The following COL28A1 variants were observed in gnomAD, a reference collection of about 807,000 sequenced individuals.
COL28A1 encodes collagen type XXVIII alpha 1 chain, also known as collagen alpha-1(XXVIII) chain.
In COL28A1, 161 loss-of-function variants were observed where a neutral mutation model predicts 150.2. The observed-to-expected ratio is 1.07, with a 90% CI of 0.94 to 1.22. The LOEUF (loss-of-function observed/expected upper bound fraction) is 1.22. COL28A1 is among the 50% of genes most tolerant of loss of function. The probability of loss-of-function intolerance (pLI) is 0.00; values close to 1 mark genes in which losing one functional copy is unlikely to be tolerated. For synonymous variants in COL28A1, 552 were observed against 469.7 expected (o/e 1.18, Z -2.26); for missense variants, 1,617 against 1,388.3 (o/e 1.16, Z -2.62).
Position 7,417,886 on chromosome 7 carries a change from G to T in COL28A1, c.2109C>A (p.Pro703=), listed in dbSNP as rs201450048. The T allele has an allele frequency of 5.0e-6, 8 of 1,613,278 alleles. No individual in the cohort carries two copies. The Admixed American group carries it at 5.0e-5, about 10-fold the overall frequency. ...GQKGLPGPPG[P]PGYGSQGIKG... Reference sequence around the variant, plus strand: ...TAATTCCCTGTGATCCATAGCCAGGGGGGCCAGGAGGGCCAGGCAAGCCTT... The same window carrying T: ...TAATTCCCTGTGATCCATAGCCAGGTGGGCCAGGAGGGCCAGGCAAGCCTT... Residue 703 remains proline, a synonymous_variant, in exon 27 of 35, where the codon CCC becomes CCA. Transcript: ENST00000399429.
Position 7,443,700 on chromosome 7 carries a change from A to G in COL28A1, c.1582-47T>C, listed in dbSNP as rs752444778. On this transcript the variant is annotated intron_variant, in intron 19 of 34. Transcript: ENST00000399429. ...TGTTAGCTGACCCTCCAGTAGACAG[A>G]CTGTACGTATCATCCCACCTTGTCT... 3 of 1,610,952 alleles carry G rather than the reference A, an allele frequency of 1.9e-6. No homozygotes were observed. The South Asian group carries it at 3.3e-5, about 18-fold the overall frequency.
At chr7:7,360,852 T>C (rs1475563572) in intron 33 of COL28A1, among the ~76,000 whole-genome samples, 3 of 152,220 alleles carry the variant, frequency 2.0e-5, no homozygotes, top group Non-Finnish European at 2.9e-5. Flanking sequence ...ATGTGAAAGA[T>C]GCAAAGTTGA....
intron 8 of COL28A1, among the ~76,000 whole-genome samples, chr7:7,513,579 A>G (rs1781265511): frequency 1.3e-5 from 2 of 152,242 alleles, no homozygotes; most frequent in South Asian, 4.1e-4. Context: ...CAAGTTGAAC[A>G]TTTATTTCTG....
At chr7:7,457,257 G>C (rs754408571) in intron 15 of COL28A1, among the ~76,000 whole-genome samples, 3 of 152,194 alleles carry the variant, frequency 2.0e-5, no homozygotes, top group Non-Finnish European at 4.4e-5. Flanking sequence ...GCTGTATGGA[G>C]AACAGACTGA....
intron 33 of COL28A1, among the ~76,000 whole-genome samples, chr7:7,361,489 C>A (rs895636649): frequency 2.6e-5 from 4 of 152,166 alleles, no homozygotes; most frequent in African/African-American, 7.2e-5. Flanking sequence ...TTCTCCACAT[C>A]CTCTCCAGCA....
intron 27 of COL28A1, among the ~76,000 whole-genome samples, chr7:7,401,181 C>T (rs915661128): frequency 1.3e-5 from 2 of 152,022 alleles, no homozygotes; most frequent in African/African-American, 4.8e-5. Context: ...CTGTCTACCC[C>T]ACTGGCCACT....
intron 27 of COL28A1, among the ~76,000 whole-genome samples, chr7:7,408,060 T>A (rs989990423): frequency 1.3e-5 from 2 of 152,160 alleles, no homozygotes; most frequent in Non-Finnish European, 2.9e-5. Context: ...TAATTCCATT[T>A]CTGTGTCTCT....
rs372951921 is a variant in COL28A1, at chr7:7,375,539, A to G, written c.2323-42T>C. The G allele has an allele frequency of 1.7e-5, 23 of 1,315,856 alleles. No homozygotes were observed. In the African/African-American group the frequency reaches 2.0e-4, roughly 12 times the overall value. 81.5% of individuals were successfully genotyped at this position (1,315,856 alleles called of 1,614,324 possible). On this transcript the variant is annotated intron_variant, in intron 30 of 34. Transcript: ENST00000399429. Reference sequence around the variant, plus strand: ...AAAATGTATTACTATATGTATGACTATAATATTTTTCCTAGAGCCATAAAA... The same window carrying G: ...AAAATGTATTACTATATGTATGACTGTAATATTTTTCCTAGAGCCATAAAA...
chr7:7,420,013 A>C, intron 25 of COL28A1, 60 bp from the exon 26 acceptor site: 1 of 1,135,002 alleles, frequency 8.8e-7, no homozygotes, highest in East Asian at 2.7e-5. Flanking sequence ...GTTTTTTTCA[A>C]TATATATATT....
Position 7,532,864 on chromosome 7 carries a change from T to A in COL28A1, c.12A>T (p.Arg4Ser). ...AAAGCAGGAGATAGAAGACAAAATA[T>A]CTGTTCCACATTATGGTAGATGGTG... MWNRYFVFYLLLLS... is the reference protein window; with the variant it reads MWNSYFVFYLLLLS... The change falls in exon 2 of 35, where the codon AGA (arginine) becomes AGT (serine). Residue 4 changes from arginine to serine, a missense_variant. By Grantham distance (110) the Arg-to-Ser change is moderately radical. Coordinates refer to ENST00000399429, the MANE Select transcript of COL28A1 (RefSeq NM_001037763.3). 1 of 1,610,466 alleles carries A rather than the reference T, an allele frequency of 6.2e-7. No individual in the cohort carries two copies. The highest frequency in any genetic ancestry group is 2.2e-5 in the East Asian group (1 of 44,772).
chr7:7,520,043 A>G lies in COL28A1; in HGVS notation c.813+19T>C, dbSNP rs754574530. ...GAAGGAGATACGCTGGTTTAAAGAA[A>G]AGCTGTTTATTCATTTACCGGGTTT... On this transcript the variant is annotated intron_variant, in intron 6 of 34. Coordinates refer to ENST00000399429, the MANE Select transcript of COL28A1 (RefSeq NM_001037763.3). The G allele has an allele frequency of 2.5e-6, 3 of 1,178,694 alleles. No homozygotes were observed. The highest frequency in any genetic ancestry group is 2.5e-6 in the Non-Finnish European group (2 of 787,414). 73.0% of individuals were successfully genotyped at this position (1,178,694 alleles called of 1,614,324 possible). A position where few individuals can be genotyped will look rare whatever the true frequency, so the allele number is the denominator to read the frequency against.
At chr7:7,398,325 T>C (rs17456623) in intron 27 of COL28A1, among the ~76,000 whole-genome samples, 4,498 of 152,342 alleles carry the variant, frequency 0.03, 106 homozygotes, top group Non-Finnish European at 0.047. Context: ...GCAATCATTT[T>C]CTTAAACTTT....
rs905284767 is a variant in COL28A1 at position 7,533,695 on chromosome 7, G to A, written c.-37-783C>T. Among the ~76,000 whole-genome samples, 5 of 152,034 alleles carry A rather than the reference G, an allele frequency of 3.3e-5. No homozygotes were observed. In the South Asian group the frequency reaches 6.2e-4, roughly 19 times the overall value. On this transcript the variant is annotated intron_variant, in intron 1 of 34. Transcript: ENST00000399429. ...CTATTTTTCTGGGTGGATTAACAAC[G>A]AAAAATCTAATTCTGTATTAAAATC...
intron 12 of COL28A1, among the ~76,000 whole-genome samples, chr7:7,489,975 A>G (rs895424148): frequency 9.8e-5 from 15 of 152,358 alleles, no homozygotes; most frequent in Admixed American, 2.6e-4. Flanking sequence ...GGGATATTCA[A>G]TTACATTCAA....
chr7:7,508,556 A>C (rs1780951606), intron 9 of COL28A1, among the ~76,000 whole-genome samples: 1 of 152,258 alleles, frequency 6.6e-6, no homozygotes, highest in Non-Finnish European at 1.5e-5. Context: ...CCACTACCCG[A>C]GTATGAGAGA....
intron 27 of COL28A1, among the ~76,000 whole-genome samples, chr7:7,396,347 C>T (rs1782835536): frequency 6.6e-6 from 1 of 152,116 alleles, no homozygotes; most frequent in African/African-American, 2.4e-5. Context: ...CATGATAAAA[C>T]CAAGGCTTCA....
At chr7:7,536,657 G>A (rs79625534), upstream of COL28A1, among the ~76,000 whole-genome samples, 1,048 of 152,174 alleles carry the variant, frequency 6.9e-3, 11 homozygotes, top group East Asian at 0.013. Flanking sequence ...GCTTCTCCAC[G>A]GACTTCCTCT....
chr7:7,408,879 G>C (rs984147277), intron 27 of COL28A1, among the ~76,000 whole-genome samples: 2 of 152,052 alleles, frequency 1.3e-5, no homozygotes, highest in African/African-American at 4.8e-5. Context: ...GTGACACTTT[G>C]TTTTTAAGAA....
At chr7:7,352,673 G>A (rs1054297595), downstream of COL28A1, among the ~76,000 whole-genome samples, 1 of 152,150 alleles carries the variant, frequency 6.6e-6, no homozygotes, top group Non-Finnish European at 1.5e-5. Context: ...TCCTCCAGAA[G>A]AAACACAGCC....
Sources: gnomAD v4.1 joint callset for allele counts (sites outside exome capture counted in the v4.1 genomes callset) on GRCh38, gnomAD v4.1.1 for gene constraint, MANE v1.5 for transcripts, NCBI Gene and HGNC (gene_info 2026-07-23, HGNC 2026-07-21) for gene names.